LGALS8: variants seen among roughly 807,000 people sequenced by gnomAD.
The protein encoded by LGALS8 is galectin-8.
Under a neutral mutation model 35.9 loss-of-function variants are expected in LGALS8, and 30 were observed. The ratio of observed to expected loss-of-function variants is 0.83; its 90% CI spans 0.62 to 1.13. LGALS8 has a LOEUF of 1.13. LGALS8 is among the 50% of genes most tolerant of loss of function. The probability of loss-of-function intolerance (pLI) is 0.00; values close to 1 mark genes in which losing one functional copy is unlikely to be tolerated. For missense variants in LGALS8, 366 were observed against 388.7 expected (o/e 0.94, Z 0.49); for synonymous variants, 138 against 136.1 (o/e 1.01, Z -0.10).
At chr1:236,531,063 A>G (rs1661114117) in intron 2 of LGALS8, among the ~76,000 whole-genome samples, 1 of 152,086 alleles carries the variant, frequency 6.6e-6, no homozygotes, top group South Asian at 2.1e-4. Context: ...TGCTTTTTCT[A>G]TTTGACCTAT....
In LGALS8 at chr1:236,551,270, C is replaced by T. The variant is rs1308444753; in HGVS notation, c.*3109C>T. 2 of 409,386 alleles carry T rather than the reference C, an allele frequency of 4.9e-6. No individual in the cohort carries two copies. The highest frequency in any genetic ancestry group is 4.2e-5 in the Admixed American group (1 of 23,834). The allele number at this position is 409,386 out of a possible 1,614,324, so 25.4% of individuals were successfully genotyped here. A position where few individuals can be genotyped will look rare whatever the true frequency, so the allele number is the denominator to read the frequency against. On this transcript the variant is annotated 3_prime_UTR_variant, in exon 10 of 10. Transcript: ENST00000366584. ...CCACCCCTTTAGTAGCTCACACCTC[C>T]CCCCTCCAAGAGCTAAGAAACAAAG...
intron 3 of LGALS8, among the ~76,000 whole-genome samples, chr1:236,538,086 C>CCAAA (rs1661678133): frequency 2.0e-5 from 1 of 50,066 alleles, no homozygotes; most frequent in Non-Finnish European, 5.6e-5. Flanking sequence ...GCCTGGGTGA[C>CCAAA]AAAAAAAAAA....
Position 236,548,918 on chromosome 1 carries a change from G to A in LGALS8, c.*757G>A. 7.5e-6 allele frequency: 3 copies of A among 398,618 alleles called. No individual in the cohort carries two copies. Among genetic ancestry groups the A allele is most frequent in the Non-Finnish European group, 1.3e-5 (3 of 226,052 alleles). 24.7% of individuals were successfully genotyped at this position (398,618 alleles called of 1,614,324 possible). The stretch of plus-strand genomic sequence containing the variant: ...GAAATTAACTTGATGCCAAGCCCAA[G>A]GCAGCTGATTTCTGTGTATTTGAAC... On this transcript the variant is annotated 3_prime_UTR_variant, in exon 10 of 10. Transcript: ENST00000366584.
chr1:236,537,725 TGAG>T lies in LGALS8; in HGVS notation c.134+144_134+146del, dbSNP rs1661638790. On this transcript the variant is annotated intron_variant, in intron 3 of 9. Transcript: ENST00000366584. ...TCATCAGCAGCCCTGGCCAAGGTGC[TGAG>T]GAGATTGGAATGAATGACTAAATAA... The T allele has an allele frequency of 1.3e-5, 9 of 685,742 alleles. No homozygotes were observed. The Admixed American group carries it at 1.4e-4, about 11-fold the overall frequency. 42.5% of individuals were successfully genotyped at this position (685,742 alleles called of 1,614,324 possible).
At chr1:236,534,895 T>C (rs1395025429) in intron 2 of LGALS8, among the ~76,000 whole-genome samples, 4 of 151,678 alleles carry the variant, frequency 2.6e-5, no homozygotes, top group Non-Finnish European at 5.9e-5. Flanking sequence ...ACCCCATCTC[T>C]CTAAAAGTAC....
upstream of LGALS8, among the ~76,000 whole-genome samples, chr1:236,519,296 T>C (rs1571980210): frequency 6.7e-6 from 1 of 149,258 alleles, no homozygotes; most frequent in Admixed American, 6.7e-5. Context: ...GAGGCTGAGG[T>C]GGGAGGATCA....
Position 236,552,847 on chromosome 1 carries a change from G to T in LGALS8, c.*4686G>T, listed in dbSNP as rs1298518322. The stretch of plus-strand genomic sequence containing the variant: ...TCAGGATTTCCTTGATTTGTGCAAA[G>T]TAAAATATTACAATAAATTTGATAC... On this transcript the variant is annotated 3_prime_UTR_variant, in exon 10 of 10. Transcript: ENST00000366584. The T allele has an allele frequency of 6.6e-6, 1 of 152,194 alleles. No homozygotes were observed. The highest frequency in any genetic ancestry group is 2.4e-5 in the African/African-American group (1 of 41,432). 9.4% of individuals were successfully genotyped at this position (152,194 alleles called of 1,614,324 possible). A position where few individuals can be genotyped will look rare whatever the true frequency, so the allele number is the denominator to read the frequency against.
chr1:236,539,422 C>T (rs67726805), intron 4 of LGALS8, among the ~76,000 whole-genome samples: 92,553 of 151,744 alleles, frequency 0.61, 29,098 homozygotes, highest in Non-Finnish European at 0.69. Context: ...CGCCACCACC[C>T]GAAGAGCTAA....
chr1:236,539,391 G>A (rs1661805022), intron 4 of LGALS8, among the ~76,000 whole-genome samples: 1 of 152,196 alleles, frequency 6.6e-6, no homozygotes, highest in Non-Finnish European at 1.5e-5. Context: ...TTCATGATGG[G>A]AGGGTAAGTT....
chr1:236,542,725 T>A, intron 6 of LGALS8, 36 bp from the exon 7 acceptor site: 1 of 1,608,722 alleles, frequency 6.2e-7, no homozygotes, highest in South Asian at 1.1e-5. Context: ...ATTCTTCCCC[T>A]TCTAACATTG....
intron 8 of LGALS8, among the ~76,000 whole-genome samples, chr1:236,544,474 C>T (rs897518390): frequency 1.6e-4 from 25 of 152,128 alleles, no homozygotes; most frequent in African/African-American, 6.0e-4. Flanking sequence ...TTCAGTTTAG[C>T]GTTAAACCTT....
chr1:236,529,713 A>G (rs945923919), intron 2 of LGALS8, among the ~76,000 whole-genome samples: 4 of 138,134 alleles, frequency 2.9e-5, no homozygotes, highest in African/African-American at 1.1e-4. Flanking sequence ...CAGTGGTGCA[A>G]TCTCGGCTCA....
intron 2 of LGALS8, among the ~76,000 whole-genome samples, chr1:236,529,558 G>A (rs1198970334): frequency 6.7e-6 from 1 of 149,810 alleles, no homozygotes; most frequent in Non-Finnish European, 1.5e-5. Context: ...CTGCATCCTG[G>A]GCGACAGAGT....
In LGALS8 at chr1:236,551,985, A is replaced by G; in HGVS notation, c.*3824A>G. ...CCTTAATTGTTTAATGGTTGGGAAT[A>G]GTTTGGGAATTACCTTCCATCAACT... On this transcript the variant is annotated 3_prime_UTR_variant, in exon 10 of 10. Transcript: ENST00000366584. The G allele has an allele frequency of 6.8e-7, 1 of 1,471,410 alleles. No homozygotes were observed. The highest frequency in any genetic ancestry group is 9.5e-7 in the Non-Finnish European group (1 of 1,052,326). 91.1% of individuals were successfully genotyped at this position (1,471,410 alleles called of 1,614,324 possible).
Position 236,551,210 on chromosome 1 carries a change from A to G in LGALS8, c.*3049A>G, listed in dbSNP as rs1304300508. The G allele has an allele frequency of 2.1e-5, 11 of 512,274 alleles. No individual in the cohort carries two copies. The highest frequency in any genetic ancestry group is 3.2e-5 in the East Asian group (1 of 31,400). The allele number at this position is 512,274 out of a possible 1,614,324, so 31.7% of individuals were successfully genotyped here. A position where few individuals can be genotyped will look rare whatever the true frequency, so the allele number is the denominator to read the frequency against. On this transcript the variant is annotated 3_prime_UTR_variant, in exon 10 of 10. Coordinates refer to ENST00000366584, the MANE Select transcript of LGALS8 (RefSeq NM_201544.4). Reference sequence around the variant, plus strand: ...CCCACAGGCTTGCACTGGAAGCTGAATAAGAATCCCCAAAACTCAAACTTC... The same window carrying G: ...CCCACAGGCTTGCACTGGAAGCTGAGTAAGAATCCCCAAAACTCAAACTTC...
Position 236,550,115 on chromosome 1 carries a change from T to C in LGALS8, c.*1954T>C, listed in dbSNP as rs1371728815. ...CTAGAGATTAGGGCACTTCAAAGCA[T>C]TGAAAAAAATCTACTGATACTTACT... On this transcript the variant is annotated 3_prime_UTR_variant, in exon 10 of 10. Transcript: ENST00000366584. 6.6e-6 allele frequency: 1 copy of C among 152,188 alleles called. No homozygotes were observed. The highest frequency in any genetic ancestry group is 2.4e-5 in the African/African-American group (1 of 41,456). 9.4% of individuals were successfully genotyped at this position (152,188 alleles called of 1,614,324 possible).
intron 4 of LGALS8, among the ~76,000 whole-genome samples, chr1:236,539,899 T>C (rs1359553202): frequency 6.6e-6 from 1 of 152,188 alleles, no homozygotes; most frequent in Non-Finnish European, 1.5e-5. Context: ...TTAAGCTCCC[T>C]GAGTCAGAGA....
chr1:236,550,992 TAAAAAAA>T lies in LGALS8; in HGVS notation c.*2843_*2849del, dbSNP rs55866014. ...GATGTTCTACTTCTTCACATTCATC[TAAAAAAA>T]AAAAAAAAAAATCAAAATTAAAATC... is the stretch of plus-strand genomic sequence containing the variant. On this transcript the variant is annotated 3_prime_UTR_variant, in exon 10 of 10. Transcript: ENST00000366584. 1.4e-5 allele frequency: 18 copies of T among 1,255,680 alleles called. No individual in the cohort carries two copies. Among genetic ancestry groups the T allele is most frequent in the African/African-American group, 3.1e-5 (2 of 63,778 alleles). The allele number at this position is 1,255,680 out of a possible 1,614,324, so 77.8% of individuals were successfully genotyped here. A position where few individuals can be genotyped will look rare whatever the true frequency, so the allele number is the denominator to read the frequency against.
Position 236,543,091 on chromosome 1 carries a change from T to C in LGALS8, c.549+304T>C, listed in dbSNP as rs765858614. On this transcript the variant is annotated intron_variant, in intron 7 of 9. Transcript: ENST00000366584. The stretch of plus-strand genomic sequence containing the variant: ...ACTCTATATAAAAATTAAGTTGTAA[T>C]GAGCTGTTACGAGTAACCTGTATCC... 2.6e-6 allele frequency: 4 copies of C among 1,536,808 alleles called. No homozygotes were observed. In the African/African-American group the frequency reaches 5.4e-5, roughly 21 times the overall value.
Sources: allele counts gnomAD v4.1 joint callset (sites outside exome capture counted in the v4.1 genomes callset), GRCh38; gene constraint gnomAD v4.1.1; transcripts MANE v1.5; gene names NCBI Gene and HGNC (gene_info 2026-07-23, HGNC 2026-07-21).